Variants in DLG2 observed in about 807,000 individuals in gnomAD.
The protein encoded by DLG2 is discs large MAGUK scaffold protein 2, also known as disks large homolog 2.
A neutral mutation model predicts 132.5 loss-of-function variants in DLG2; 45 were observed. The ratio of observed to expected loss-of-function variants is 0.34; its 90% CI spans 0.27 to 0.44. DLG2 has a LOEUF of 0.44. DLG2 is among the 20% of genes least tolerant of loss of function. DLG2 has a pLI of 1.00. For synonymous variants in DLG2, 424 were observed against 419.6 expected (o/e 1.01, Z -0.13); for missense variants, 1,045 against 1,196.9 (o/e 0.87, Z 1.87).
intron 6 of DLG2, among the ~76,000 whole-genome samples, chr11:84,826,186 T>G (rs1014200395): frequency 1.3e-5 from 2 of 151,914 alleles, no homozygotes; most frequent in Admixed American, 6.6e-5. Flanking sequence ...GCATTTATCC[T>G]TTGTGTTTCA....
intron 15 of DLG2, among the ~76,000 whole-genome samples, chr11:83,892,899 A>G (rs1343781029): frequency 6.6e-6 from 1 of 152,178 alleles, no homozygotes; most frequent in Non-Finnish European, 1.5e-5. Context: ...AAAGACCATG[A>G]TCTTCAAGCA....
At chr11:84,245,870 A>G (rs146971999) in intron 8 of DLG2, among the ~76,000 whole-genome samples, 1,910 of 152,224 alleles carry the variant, frequency 0.013, 15 homozygotes, top group Non-Finnish European at 0.02. Flanking sequence ...GCCCTGATGT[A>G]CTAGTTTATT....
At chr11:84,706,162 T>C (rs2059756301) in intron 6 of DLG2, among the ~76,000 whole-genome samples, 1 of 151,792 alleles carries the variant, frequency 6.6e-6, no homozygotes, top group Non-Finnish European at 1.5e-5. Flanking sequence ...GTCCATACCA[T>C]TGTAAGGCAC....
At chr11:83,815,232 A>C (rs978307101) in intron 17 of DLG2, 3 of 152,528 alleles carry the variant, frequency 2.0e-5, no homozygotes, top group African/African-American at 7.2e-5. Context: ...CAGTTTTAGG[A>C]AAAGACTGCC....
intron 4 of DLG2, among the ~76,000 whole-genome samples, chr11:85,283,197 A>T (rs139694915): frequency 6.6e-6 from 1 of 152,018 alleles, no homozygotes. Flanking sequence ...GAGTTTACCT[A>T]TATAACAAAC....
At chr11:84,238,996 C>T (rs75557529) in intron 8 of DLG2, among the ~76,000 whole-genome samples, 1,929 of 152,250 alleles carry the variant, frequency 0.013, 22 homozygotes, top group Non-Finnish European at 0.019. Flanking sequence ...CATTGATCCA[C>T]ATGATCATGT....
At chr11:85,542,300 G>C (rs1291167352) in intron 3 of DLG2, among the ~76,000 whole-genome samples, 1 of 152,058 alleles carries the variant, frequency 6.6e-6, no homozygotes, top group Non-Finnish European at 1.5e-5. Flanking sequence ...CAATCTCTTG[G>C]AAATATATTA....
intron 6 of DLG2, among the ~76,000 whole-genome samples, chr11:84,639,009 C>A (rs1410574832): frequency 6.6e-6 from 1 of 152,184 alleles, no homozygotes. Context: ...TGAGAGCACT[C>A]AGTGTAATTT....
At chr11:84,847,751 A>G (rs1199296214) in intron 6 of DLG2, among the ~76,000 whole-genome samples, 1 of 152,152 alleles carries the variant, frequency 6.6e-6, no homozygotes, top group African/African-American at 2.4e-5. Flanking sequence ...TGGGAAAAAT[A>G]GCTTGTAAGA....
At chr11:83,478,125 A>G (rs913158549) in intron 22 of DLG2, among the ~76,000 whole-genome samples, 24 of 152,130 alleles carry the variant, frequency 1.6e-4, no homozygotes, top group African/African-American at 4.8e-4. Context: ...GATATTCACA[A>G]TGGGTCTCAT....
intron 18 of DLG2, among the ~76,000 whole-genome samples, chr11:83,746,232 T>C (rs1009302264): frequency 3.3e-5 from 5 of 152,198 alleles, no homozygotes; most frequent in Non-Finnish European, 7.3e-5. Context: ...ACTAGGTATA[T>C]ACCCAAAGGA....
chr11:84,107,013 T>TGAGAGA (rs35604470), intron 9 of DLG2, among the ~76,000 whole-genome samples: 9 of 126,200 alleles, frequency 7.1e-5, no homozygotes, highest in South Asian at 2.7e-4. Context: ...TGTGTGTGTG[T>TGAGAGA]GAGAGAGTTT....
chr11:84,146,230 GT>G (rs2095075472), intron 9 of DLG2, among the ~76,000 whole-genome samples: 1 of 149,560 alleles, frequency 6.7e-6, no homozygotes, highest in Admixed American at 6.8e-5. Flanking sequence ...TGCCAATGTT[GT>G]TCTACTGGAG....
intron 6 of DLG2, among the ~76,000 whole-genome samples, chr11:84,627,635 T>C (rs1211877840): frequency 6.6e-6 from 1 of 152,208 alleles, no homozygotes; most frequent in Non-Finnish European, 1.5e-5. Context: ...TATTAGGCTA[T>C]TCTTGCATTG....
intron 7 of DLG2, chr11:84,317,087 G>A: frequency 1.2e-6 from 2 of 1,612,824 alleles, no homozygotes; most frequent in Non-Finnish European, 8.5e-7. Flanking sequence ...ACTCCTGACG[G>A]CATCCATCCC....
intron 4 of DLG2, among the ~76,000 whole-genome samples, chr11:85,173,753 G>C (rs1026922886): frequency 4.6e-5 from 7 of 152,128 alleles, no homozygotes; most frequent in Non-Finnish European, 8.8e-5. Flanking sequence ...GACACACATA[G>C]GCTCAAAATA....
rs1194012204 is a variant in DLG2 at position 84,671,976 on chromosome 11, A to G, written c.358-137245T>C. ...GGCAGAGACTTAAGACTATATAAGT[A>G]TCTAGCTCTGTGAGCTTGGACAAGT... is the stretch of plus-strand genomic sequence containing the variant. On this transcript the variant is annotated intron_variant, in intron 6 of 27. Transcript: ENST00000376104. Among the ~76,000 whole-genome samples, 6 of 152,290 alleles carry G rather than the reference A, an allele frequency of 3.9e-5. No homozygotes were observed. In the South Asian group the frequency reaches 8.3e-4, roughly 21 times the overall value.
intron 15 of DLG2, among the ~76,000 whole-genome samples, chr11:83,906,497 C>G (rs1035294128): frequency 1.2e-4 from 19 of 152,028 alleles, no homozygotes; most frequent in Non-Finnish European, 2.8e-4. Context: ...ATCACTCATT[C>G]ATTCATCCAT....
At chr11:85,415,641 G>A (rs1175688266) in intron 3 of DLG2, among the ~76,000 whole-genome samples, 5 of 151,924 alleles carry the variant, frequency 3.3e-5, no homozygotes, top group Non-Finnish European at 7.4e-5. Context: ...TATGTTTGCT[G>A]GCTGCTTAAA....
Sources: allele counts gnomAD v4.1 joint callset (sites outside exome capture counted in the v4.1 genomes callset), GRCh38; gene constraint gnomAD v4.1.1; transcripts MANE v1.5; gene names NCBI Gene and HGNC (gene_info 2026-07-23, HGNC 2026-07-21).